ENPP6: variants seen among roughly 807,000 people sequenced by gnomAD.
ENPP6 encodes ectonucleotide pyrophosphatase/phosphodiesterase 6.
In ENPP6, 32 loss-of-function variants were observed where a neutral mutation model predicts 42.0. The observed-to-expected ratio is 0.76, with a 90% CI of 0.58 to 1.02. ENPP6 has a LOEUF of 1.02. Among genes scored for constraint, ENPP6 ranks in the 50% least tolerant of loss-of-function variants. ENPP6 has a pLI of 0.00. For synonymous variants in ENPP6, 213 were observed against 216.0 expected (o/e 0.99, Z 0.12); for missense variants, 552 against 566.8 (o/e 0.97, Z 0.27).
chr4:184,134,149 T>TTTATTTAC lies in ENPP6; in HGVS notation c.422-9878_422-9877insGTAAATAA, dbSNP rs1157808501. ...TGGAAGTGATTTATTTATTTATTTA[T>TTTATTTAC]TTATTTATTTTTAGAGCTGGTATCA... On this transcript the variant is annotated intron_variant, in intron 2 of 7. Coordinates refer to ENST00000296741, the MANE Select transcript of ENPP6 (RefSeq NM_153343.4). 7.3e-5 allele frequency among the ~76,000 whole-genome samples: 11 copies of TTTATTTAC among 151,638 alleles called. No individual in the cohort carries two copies. The East Asian group carries it at 2.1e-3, about 29-fold the overall frequency.
At chr4:184,208,216 T>C (rs551960653) in intron 1 of ENPP6, among the ~76,000 whole-genome samples, 22 of 152,058 alleles carry the variant, frequency 1.4e-4, no homozygotes, top group African/African-American at 4.3e-4. Context: ...AAGGCCTGTT[T>C]TAAGATTCAG....
At chr4:184,093,355 C>T (rs548023568) in intron 7 of ENPP6, among the ~76,000 whole-genome samples, 2 of 152,028 alleles carry the variant, frequency 1.3e-5, no homozygotes, top group Admixed American at 1.3e-4. Flanking sequence ...AATGTAAAAC[C>T]TGGCCAGGCA....
rs566210977 is a variant in ENPP6, at chr4:184,180,780, C to G, written c.242-27047G>C. 2.6e-5 allele frequency among the ~76,000 whole-genome samples: 4 copies of G among 152,122 alleles called. No homozygotes were observed. The East Asian group carries it at 7.7e-4, about 29-fold the overall frequency. ...AAAACCACATGATTATCTCAATAGA[C>G]GCAGAAAAGGCCTTCGATAAAATTC... is the stretch of plus-strand genomic sequence containing the variant. On this transcript the variant is annotated intron_variant, in intron 1 of 7. Transcript: ENST00000296741.
At chr4:184,200,543 C>T (rs967565031) in intron 1 of ENPP6, among the ~76,000 whole-genome samples, 2 of 152,214 alleles carry the variant, frequency 1.3e-5, no homozygotes, top group Non-Finnish European at 2.9e-5. Flanking sequence ...AAATGCACAA[C>T]CAACCTCAGG....
chr4:184,200,299 C>T (rs1037058601), intron 1 of ENPP6, among the ~76,000 whole-genome samples: 3 of 152,216 alleles, frequency 2.0e-5, no homozygotes, highest in Non-Finnish European at 2.9e-5. Context: ...ACCCACTCGG[C>T]ACATCTGTTG....
chr4:184,201,877 GA>G (rs1202316483), intron 1 of ENPP6, among the ~76,000 whole-genome samples: 2 of 152,120 alleles, frequency 1.3e-5, no homozygotes, highest in African/African-American at 4.8e-5. Context: ...AGTTTAAGTG[GA>G]AAAAATGTTG....
intron 3 of ENPP6, among the ~76,000 whole-genome samples, chr4:184,121,360 C>A (rs1228049877): frequency 6.6e-6 from 1 of 152,230 alleles, no homozygotes; most frequent in Admixed American, 6.5e-5. Context: ...TGTCCCTGAG[C>A]AGACCTCTAT....
chr4:184,209,192 A>G (rs1355684129), intron 1 of ENPP6, among the ~76,000 whole-genome samples: 1 of 151,692 alleles, frequency 6.6e-6, no homozygotes, highest in Non-Finnish European at 1.5e-5. Flanking sequence ...TCCTCTTCCA[A>G]AGGAACGCAG....
intron 2 of ENPP6, among the ~76,000 whole-genome samples, chr4:184,140,173 A>T (rs1182217520): frequency 1.3e-5 from 2 of 152,100 alleles, no homozygotes; most frequent in African/African-American, 4.8e-5. Flanking sequence ...CTAGGAATCC[A>T]ACTTACAAGG....
At chr4:184,170,686 C>T (rs1737446544) in intron 1 of ENPP6, among the ~76,000 whole-genome samples, 1 of 152,138 alleles carries the variant, frequency 6.6e-6, no homozygotes, top group African/African-American at 2.4e-5. Context: ...CTAGTTTGAT[C>T]TACAGGTCTT....
intron 7 of ENPP6, among the ~76,000 whole-genome samples, chr4:184,095,233 C>T (rs1000428390): frequency 2.0e-5 from 3 of 152,338 alleles, no homozygotes; most frequent in Non-Finnish European, 4.4e-5. Context: ...TTTAGTGTTA[C>T]AGGAACCTGT....
rs190604706 is a variant in ENPP6, at chr4:184,094,130, T to A, written c.1118-2748A>T. On this transcript the variant is annotated intron_variant, in intron 7 of 7. Coordinates refer to ENST00000296741, the MANE Select transcript of ENPP6 (RefSeq NM_153343.4). ...ACCTCAACTCTGCAAAAATAAAAAA[T>A]TAGCTAGGTGCGGTGGTGTGTGCCT... 1.5e-3 allele frequency among the ~76,000 whole-genome samples: 230 copies of A among 151,810 alleles called. 1 individual carries two copies. The highest frequency in any genetic ancestry group is 2.2e-3 in the Non-Finnish European group (152 of 67,922).
intron 1 of ENPP6, among the ~76,000 whole-genome samples, chr4:184,188,871 A>C (rs1034544109): frequency 1.3e-5 from 2 of 152,212 alleles, no homozygotes; most frequent in Admixed American, 6.5e-5. Flanking sequence ...TGAAGAAGTC[A>C]AACCCTGGCC....
chr4:184,174,135 C>CTT (rs36058407), intron 1 of ENPP6, among the ~76,000 whole-genome samples: 11 of 130,992 alleles, frequency 8.4e-5, no homozygotes, highest in African/African-American at 2.6e-4. Flanking sequence ...GTCCCAAATC[C>CTT]TTTTTTTTTT....
Position 184,184,242 on chromosome 4 carries a change from G to A in ENPP6, c.242-30509C>T, listed in dbSNP as rs901992056. On this transcript the variant is annotated intron_variant, in intron 1 of 7. Coordinates refer to ENST00000296741, the MANE Select transcript of ENPP6 (RefSeq NM_153343.4). This position sits in a 1 kb window ranked among gnomAD's most constrained non-coding sequence, Gnocchi z 4.7. ...TTTAGCACCAAGAGCTTTAAGTTTGGAATGATTATATTTAGAATAAAAGAC... is the reference window on the plus strand; with the variant it reads ...TTTAGCACCAAGAGCTTTAAGTTTGAAATGATTATATTTAGAATAAAAGAC... Among the ~76,000 whole-genome samples, 2 of 152,274 alleles carry A rather than the reference G, an allele frequency of 1.3e-5. No individual in the cohort carries two copies. The highest frequency in any genetic ancestry group is 4.1e-4 in the South Asian group (2 of 4,824).
chr4:184,178,601 A>G (rs894443165), intron 1 of ENPP6, among the ~76,000 whole-genome samples: 7 of 152,318 alleles, frequency 4.6e-5, no homozygotes, highest in Admixed American at 1.3e-4. Context: ...AAAATGAAGG[A>G]AAAAGTGTTA....
At chr4:184,106,301 C>A (rs1736091674) in intron 6 of ENPP6, among the ~76,000 whole-genome samples, 1 of 152,182 alleles carries the variant, frequency 6.6e-6, no homozygotes, top group Admixed American at 6.5e-5. Flanking sequence ...TCCCAAAGTG[C>A]TGATATTACA....
intron 2 of ENPP6, among the ~76,000 whole-genome samples, chr4:184,147,945 C>T (rs1736956513): frequency 6.6e-6 from 1 of 152,236 alleles, no homozygotes; most frequent in Non-Finnish European, 1.5e-5. Flanking sequence ...GGCCTTAGCA[C>T]CTGCTGCTCC....
At position 184,112,592 on chromosome 4, in the gene ENPP6, A is replaced by T. The variant is rs1332780326; in HGVS notation, c.993+80T>A. On this transcript the variant is annotated intron_variant, in intron 6 of 7. Coordinates refer to ENST00000296741, the MANE Select transcript of ENPP6 (RefSeq NM_153343.4). ...GTGAAAAAATCTTTTATGTATAAAA[A>T]CTTGAGTAACTATTATTTAACTTTG... 5 of 1,498,960 alleles carry T rather than the reference A, an allele frequency of 3.3e-6. No homozygotes were observed. In the African/African-American group the frequency reaches 7.0e-5, roughly 21 times the overall value. The allele number at this position is 1,498,960 out of a possible 1,614,324, so 92.9% of individuals were successfully genotyped here. A position where few individuals can be genotyped will look rare whatever the true frequency, so the allele number is the denominator to read the frequency against.
Sources: gnomAD v4.1 joint callset for allele counts (sites outside exome capture counted in the v4.1 genomes callset) on GRCh38, gnomAD v4.1.1 for gene constraint, Gnocchi (gnomAD v3.1) non-coding constraint, MANE v1.5 for transcripts, NCBI Gene and HGNC (gene_info 2026-07-23, HGNC 2026-07-21) for gene names.